The following PEAK1 variants were observed in gnomAD, a reference collection of about 807,000 sequenced individuals.
PEAK1 encodes inactive tyrosine-protein kinase PEAK1.
A neutral mutation model predicts 124.7 loss-of-function variants in PEAK1; 54 were observed. The ratio of observed to expected loss-of-function variants is 0.43; its 90% CI spans 0.35 to 0.54. The LOEUF (loss-of-function observed/expected upper bound fraction) is 0.54, where lower values mean the gene tolerates loss of function less well. Among genes scored for constraint, PEAK1 ranks in the 20% least tolerant of loss-of-function variants. The pLI is 0.01. For missense variants in PEAK1, 2,046 were observed against 2,134.5 expected, an observed-to-expected ratio of 0.96 and a Z score of 0.82; for synonymous variants, 719 against 760.0, an observed-to-expected ratio of 0.95 and a Z score of 0.89.
At chr15:77,234,175 C>T (rs186548090) in intron 6 of PEAK1, among the ~76,000 whole-genome samples, 3 of 152,302 alleles carry the variant, frequency 2.0e-5, no homozygotes, top group East Asian at 1.9e-4. Flanking sequence ...ACAGCATTCA[C>T]ATTTATTACT....
chr15:77,118,217 G>C (rs979369739), intron 9 of PEAK1, among the ~76,000 whole-genome samples: 1 of 152,252 alleles, frequency 6.6e-6, no homozygotes, highest in South Asian at 2.1e-4. Context: ...GAGGGAAAAA[G>C]AGTGATTTTA....
At chr15:77,362,902 C>CT (rs1173731958) in intron 2 of PEAK1, among the ~76,000 whole-genome samples, 2 of 152,132 alleles carry the variant, frequency 1.3e-5, no homozygotes, top group South Asian at 2.1e-4. Context: ...GTAACCCAGG[C>CT]TGGAGTGCAA....
At chr15:77,292,326 A>G (rs919497457) in intron 2 of PEAK1, among the ~76,000 whole-genome samples, 4 of 152,200 alleles carry the variant, frequency 2.6e-5, no homozygotes, top group African/African-American at 9.7e-5. Flanking sequence ...ATATTTACTC[A>G]TTAACACTGA....
At chr15:77,136,908 A>G (rs2053382328) in intron 8 of PEAK1, among the ~76,000 whole-genome samples, 1 of 152,226 alleles carries the variant, frequency 6.6e-6, no homozygotes, top group Admixed American at 6.5e-5. Context: ...CCGAAGGCCT[A>G]GGAGAAAAAA....
In PEAK1 at chr15:77,404,359, C is replaced by T. The variant is rs528459680; in HGVS notation, c.-666+15647G>A. The T allele has an allele frequency of 1.9e-4, 182 of 978,798 alleles. 1 individual carries two copies. In the South Asian group the frequency reaches 5.4e-3, roughly 29 times the overall value. The allele number at this position is 978,798 out of a possible 1,614,324, so 60.6% of individuals were successfully genotyped here. The stretch of plus-strand genomic sequence containing the variant: ...TGCTAATACTAGCCACCTGTGGCTA[C>T]GAAGCATCTGAAATGCAGCCAGTCT... On this transcript the variant is annotated intron_variant, in intron 1 of 9. Coordinates refer to ENST00000682557, the MANE Select transcript of PEAK1 (RefSeq NM_001385026.1).
chr15:77,240,693 G>A lies in PEAK1; in HGVS notation c.-115+11674C>T, dbSNP rs560092686. Among the ~76,000 whole-genome samples, 3 of 152,088 alleles carry A rather than the reference G, an allele frequency of 2.0e-5. No homozygotes were observed. The South Asian group carries it at 6.2e-4, about 32-fold the overall frequency. ...ACTTTATTGTAAAAGTAAATCTACG[G>A]GTGTAATCATAGTAAAACTGACAAC... On this transcript the variant is annotated intron_variant, in intron 6 of 9. Coordinates refer to ENST00000682557, the MANE Select transcript of PEAK1 (RefSeq NM_001385026.1).
At chr15:77,266,589 C>T (rs2152948852) in intron 5 of PEAK1, among the ~76,000 whole-genome samples, 1 of 152,248 alleles carries the variant, frequency 6.6e-6, no homozygotes, top group East Asian at 1.9e-4. Context: ...GATTGAAAAC[C>T]ATTTGCCATA....
At chr15:77,198,116 T>TAATAA (rs2058195766) in intron 6 of PEAK1, among the ~76,000 whole-genome samples, 1 of 152,168 alleles carries the variant, frequency 6.6e-6, no homozygotes, top group Non-Finnish European at 1.5e-5. Flanking sequence ...CATAAGTATA[T>TAATAA]GAATAACCAC....
intron 5 of PEAK1, among the ~76,000 whole-genome samples, chr15:77,260,618 T>C (rs553565425): frequency 5.8e-4 from 88 of 152,158 alleles, no homozygotes; most frequent in South Asian, 2.3e-3. Flanking sequence ...GACAAATGAA[T>C]ATTTCACTAG....
At chr15:77,169,044 T>C (rs2056324343) in intron 7 of PEAK1, among the ~76,000 whole-genome samples, 1 of 152,236 alleles carries the variant, frequency 6.6e-6, no homozygotes, top group Non-Finnish European at 1.5e-5. Flanking sequence ...TCTTAATGTC[T>C]ACATTAGATT....
intron 1 of PEAK1, chr15:77,401,515 A>G: frequency 1.0e-6 from 1 of 971,446 alleles, no homozygotes; most frequent in East Asian, 1.1e-4. Flanking sequence ...TAAGAAGAAC[A>G]ATACTCACCT....
Position 77,181,493 on chromosome 15 carries a change from T to C in PEAK1, c.434A>G (p.Asn145Ser), listed in dbSNP as rs1254421533. Residue 145 changes from asparagine (N) to serine (S), a missense_variant, in exon 7 of 10, where the codon AAC becomes AGC. Physicochemically the swap from Asn to Ser is conservative, Grantham distance 46. Transcript: ENST00000682557. ...TAACACTTCAGTTAGTCCATTATTG[T>C]TATCTGACATCTTCTTTGCACTATC... The part of the protein sequence containing the change: ...NNDSAKKMSD[N>S]NNGLTEVLKE... The C allele has an allele frequency of 6.2e-7, 1 of 1,614,040 alleles. No individual in the cohort carries two copies. The highest frequency in any genetic ancestry group is 8.5e-7 in the Non-Finnish European group (1 of 1,180,024).
intron 1 of PEAK1, chr15:77,403,948 T>C (rs1416416968): frequency 1.0e-6 from 1 of 969,926 alleles, no homozygotes; most frequent in Non-Finnish European, 1.2e-6. Context: ...ACAAGTTTGT[T>C]GCATGGGTAA....
intron 6 of PEAK1, among the ~76,000 whole-genome samples, chr15:77,208,073 A>C (rs549949514): frequency 3.3e-5 from 5 of 152,178 alleles, no homozygotes; most frequent in Non-Finnish European, 5.9e-5. Flanking sequence ...ACATTAAGCA[A>C]ACTGTGCTTT....
chr15:77,330,301 C>A (rs2065820201), intron 2 of PEAK1, among the ~76,000 whole-genome samples: 1 of 152,160 alleles, frequency 6.6e-6, no homozygotes, highest in African/African-American at 2.4e-5. Context: ...GTCTAAGCTA[C>A]CATCATCTCT....
At chr15:77,280,079 C>T (rs962371062) in intron 5 of PEAK1, among the ~76,000 whole-genome samples, 2 of 152,054 alleles carry the variant, frequency 1.3e-5, no homozygotes, top group African/African-American at 2.4e-5. Flanking sequence ...AGTGGCTCAT[C>T]CCTGTAATCC....
chr15:77,126,711 A>G (rs1048000109), intron 9 of PEAK1, among the ~76,000 whole-genome samples: 1 of 152,240 alleles, frequency 6.6e-6, no homozygotes, highest in South Asian at 2.1e-4. Flanking sequence ...AGAGAGGCGC[A>G]TGACTTGCAT....
chr15:77,180,600 C>T lies in PEAK1; in HGVS notation c.1327G>A (p.Val443Ile), dbSNP rs1414078312. The stretch of plus-strand genomic sequence containing the variant: ...TTTATGGTTACTGCTTGCCCAGCAA[C>T]ATCTGTAGAGGCTTTACTTTCTTCC... Reference protein sequence around the residue: ...EKEESKASTDVAGQAVTINLV... With the variant: ...EKEESKASTDIAGQAVTINLV... The change falls in exon 7 of 10, where the codon GTT becomes ATT. Residue 443 changes from valine (V) to isoleucine (I), a missense_variant. Transcript: ENST00000682557. 3 of 1,614,052 alleles carry T rather than the reference C, an allele frequency of 1.9e-6. No homozygotes were observed. Among genetic ancestry groups the T allele is most frequent in the Non-Finnish European group, 2.5e-6 (3 of 1,180,028 alleles).
chr15:77,274,328 G>A (rs1387842460), intron 5 of PEAK1, among the ~76,000 whole-genome samples: 1 of 151,974 alleles, frequency 6.6e-6, no homozygotes, highest in South Asian at 2.1e-4. Flanking sequence ...AATCAGCAGA[G>A]AAACCAGACA....
Sources: allele counts gnomAD v4.1 joint callset (sites outside exome capture counted in the v4.1 genomes callset), GRCh38; gene constraint gnomAD v4.1.1; transcripts MANE v1.5; gene names NCBI Gene and HGNC (gene_info 2026-07-23, HGNC 2026-07-21).